Variants in PABPC4L observed in about 807,000 individuals in gnomAD.
PABPC4L encodes the protein polyadenylate-binding protein 4-like.
For synonymous variants in PABPC4L, 169 were observed against 164.1 expected, an observed-to-expected ratio of 1.03 and a Z score of -0.23; for missense variants, 452 against 451.4, an observed-to-expected ratio of 1.00 and a Z score of -0.01.
the PABPC4L span, among the ~76,000 whole-genome samples, chr4:133,955,058 C>T: frequency 2.6e-5 from 4 of 152,076 alleles, no homozygotes; most frequent in East Asian, 7.8e-4. Context: ...ACAAGTATCA[C>T]TCTGTAATTA....
the PABPC4L span, among the ~76,000 whole-genome samples, chr4:134,026,245 T>G: frequency 6.6e-6 from 1 of 151,904 alleles, no homozygotes; most frequent in Non-Finnish European, 1.5e-5. Flanking sequence ...TTTGCGATTT[T>G]TTTTTTTTTT....
chr4:133,965,664 A>G, the PABPC4L span, among the ~76,000 whole-genome samples: 2 of 152,134 alleles, frequency 1.3e-5, no homozygotes, highest in Admixed American at 6.5e-5. Context: ...ATGAACCCAA[A>G]TACTTGCAGC....
At chr4:134,082,838 G>A in the PABPC4L span, among the ~76,000 whole-genome samples, 1 of 152,036 alleles carries the variant, frequency 6.6e-6, no homozygotes, top group Admixed American at 6.6e-5. Flanking sequence ...GTGTAAAATA[G>A]TCTATCCAAA....
At chr4:134,131,190 A>C in the PABPC4L span, among the ~76,000 whole-genome samples, 1 of 152,096 alleles carries the variant, frequency 6.6e-6, no homozygotes, top group Non-Finnish European at 1.5e-5. Flanking sequence ...AGTCTTAACC[A>C]GGGCAATCAG....
At chr4:134,084,486 T>C in the PABPC4L span, among the ~76,000 whole-genome samples, 2 of 152,118 alleles carry the variant, frequency 1.3e-5, no homozygotes, top group African/African-American at 4.8e-5. Context: ...TGTAGCAAAT[T>C]GATGGATTTT....
chr4:134,079,293 A>AT, the PABPC4L span, among the ~76,000 whole-genome samples: 1 of 150,440 alleles, frequency 6.6e-6, no homozygotes, highest in Admixed American at 6.6e-5. Flanking sequence ...TTTAAAAAAA[A>AT]TTGTGCAGCC....
chr4:134,124,911 A>G, the PABPC4L span, among the ~76,000 whole-genome samples: 27 of 152,072 alleles, frequency 1.8e-4, no homozygotes, highest in Non-Finnish European at 4.0e-4. Flanking sequence ...CTTCTTTCTC[A>G]AGGGTACAAA....
chr4:133,956,849 T>C, the PABPC4L span, among the ~76,000 whole-genome samples: 1 of 152,054 alleles, frequency 6.6e-6, no homozygotes, highest in African/African-American at 2.4e-5. Context: ...GAAAGCCCAT[T>C]TTAAAACCAT....
the PABPC4L span, among the ~76,000 whole-genome samples, chr4:134,003,365 A>G: frequency 2.0e-5 from 3 of 152,022 alleles, no homozygotes; most frequent in East Asian, 1.9e-4. Context: ...ACTTATCATC[A>G]TCTTTGAACA....
the PABPC4L span, among the ~76,000 whole-genome samples, chr4:133,970,043 T>C: frequency 1.4e-5 from 2 of 146,354 alleles, no homozygotes; most frequent in African/African-American, 4.9e-5. Context: ...ATATATTTAT[T>C]TATTTATTTA....
the PABPC4L span, among the ~76,000 whole-genome samples, chr4:134,114,849 A>C: frequency 6.6e-6 from 1 of 151,954 alleles, no homozygotes; most frequent in African/African-American, 2.4e-5. Flanking sequence ...AAAATGAATT[A>C]TCATCTCTGC....
the PABPC4L span, among the ~76,000 whole-genome samples, chr4:134,115,377 A>T: frequency 4.0e-5 from 6 of 151,878 alleles, no homozygotes; most frequent in African/African-American, 1.4e-4. Flanking sequence ...GTACAAGTAG[A>T]GAGAGGGGGA....
At chr4:134,089,910 TA>T in the PABPC4L span, among the ~76,000 whole-genome samples, 1 of 152,050 alleles carries the variant, frequency 6.6e-6, no homozygotes, top group Non-Finnish European at 1.5e-5. Flanking sequence ...TCTTGGAACA[TA>T]CCCTTCATAA....
At chr4:134,153,214 A>T in the PABPC4L span, among the ~76,000 whole-genome samples, 1 of 152,122 alleles carries the variant, frequency 6.6e-6, no homozygotes, top group East Asian at 1.9e-4. Context: ...TGTGTCTTTC[A>T]TATTGAGTAT....
the PABPC4L span, among the ~76,000 whole-genome samples, chr4:134,047,043 A>C: frequency 6.6e-6 from 1 of 152,206 alleles, no homozygotes; most frequent in Non-Finnish European, 1.5e-5. Context: ...AATTAAAGGC[A>C]GAGTCTAAGT....
At chr4:134,183,775 T>C in the PABPC4L span, among the ~76,000 whole-genome samples, 4 of 151,698 alleles carry the variant, frequency 2.6e-5, no homozygotes, top group African/African-American at 9.7e-5. Context: ...ACAAAATCTA[T>C]AAAATATTGT....
At chr4:134,027,269 T>TGATGGCAGGATGGCAG in the PABPC4L span, among the ~76,000 whole-genome samples, 1 of 152,086 alleles carries the variant, frequency 6.6e-6, no homozygotes, top group Non-Finnish European at 1.5e-5. Flanking sequence ...TGCAATCCTG[T>TGATGGCAGGATGGCAG]GATGGCAGGA....
At chr4:134,048,564 G>A in the PABPC4L span, among the ~76,000 whole-genome samples, 2 of 152,060 alleles carry the variant, frequency 1.3e-5, no homozygotes, top group Non-Finnish European at 2.9e-5. Flanking sequence ...TAATAGCTTT[G>A]TGTGTCAATT....
the PABPC4L span, among the ~76,000 whole-genome samples, chr4:134,136,169 A>C: frequency 2.0e-5 from 3 of 152,128 alleles, no homozygotes; most frequent in Admixed American, 6.6e-5. Context: ...ATATTTAATT[A>C]ATCTTTTATC....
Sources: gnomAD v4.1 joint callset for allele counts (sites outside exome capture counted in the v4.1 genomes callset) on GRCh38, gnomAD v4.1.1 for gene constraint, MANE v1.5 for transcripts, NCBI Gene and HGNC (gene_info 2026-07-23, HGNC 2026-07-21) for gene names.